Variants in PCDHA4 observed in about 807,000 individuals in gnomAD.
PCDHA4 encodes protocadherin alpha 4, also known as protocadherin alpha-4.
A neutral mutation model predicts 61.4 loss-of-function variants in PCDHA4; 49 were observed. The observed-to-expected ratio is 0.80, with a 90% confidence interval of 0.63 to 1.01. PCDHA4 has a LOEUF of 1.01. Among genes scored for constraint, PCDHA4 ranks in the 50% least tolerant of loss-of-function variants. PCDHA4 has a pLI of 0.00. For missense variants in PCDHA4, 1,254 were observed against 1,235.8 expected (o/e 1.01, Z -0.22); for synonymous variants, 590 against 550.3 (o/e 1.07, Z -1.01).
chr5:140,860,245 T>C (rs2046291646), intron 1 of PCDHA4: 1 of 151,496 alleles, frequency 6.6e-6, no homozygotes, highest in Non-Finnish European at 1.5e-5. Flanking sequence ...TGGTGGTACA[T>C]GCCTTTAGTC....
In PCDHA4 at chr5:140,883,728, A is replaced by G. The variant is rs781971725; in HGVS notation, c.2385+74156A>G. 2 of 1,613,392 alleles carry G rather than the reference A, an allele frequency of 1.2e-6. No homozygotes were observed. The highest frequency in any genetic ancestry group is 2.7e-5 in the African/African-American group (2 of 74,914). On this transcript the variant is annotated intron_variant, in intron 1 of 3. Transcript: ENST00000530339. ...GCTCAGGACGCGGACGCACAGGAGA[A>G]CGCGCTGGTCTCCTACTCGCTGGTG...
intron 1 of PCDHA4, among the ~76,000 whole-genome samples, chr5:140,947,275 T>C (rs246050): frequency 1.3e-5 from 2 of 151,244 alleles, no homozygotes; most frequent in Non-Finnish European, 3.0e-5. Flanking sequence ...GAAAATACTT[T>C]TTCTTTTTAT....
In PCDHA4 at chr5:140,850,297, C is replaced by T. The variant is rs2150478357; in HGVS notation, c.2385+40725C>T. The stretch of plus-strand genomic sequence containing the variant: ...AAGGTGCGCGCAGTGGACGCCGACT[C>T]GGGCTACAACGCGTGGCTTTCATAC... On this transcript the variant is annotated intron_variant, in intron 1 of 3. Coordinates refer to ENST00000530339, the MANE Select transcript of PCDHA4 (RefSeq NM_018907.4). The T allele has an allele frequency of 2.5e-6, 4 of 1,596,320 alleles. No homozygotes were observed. The Admixed American group carries it at 5.1e-5, about 20-fold the overall frequency.
chr5:140,876,650 T>G lies in PCDHA4; in HGVS notation c.2385+67078T>G, dbSNP rs782068706. 4 of 1,614,162 alleles carry G rather than the reference T, an allele frequency of 2.5e-6. No individual in the cohort carries two copies. In the South Asian group the frequency reaches 4.4e-5, roughly 18 times the overall value. ...GTCATCTGCTCACTGACACCTCATG[T>G]TCCCTTCAAGCTGGTGTCCACCTAC... On this transcript the variant is annotated intron_variant, in intron 1 of 3. Transcript: ENST00000530339.
intron 1 of PCDHA4, among the ~76,000 whole-genome samples, chr5:140,837,439 T>C (rs1775044466): frequency 6.6e-6 from 1 of 151,980 alleles, no homozygotes; most frequent in African/African-American, 2.4e-5. Flanking sequence ...TGAAATCTAG[T>C]ACGTAGTAAA....
intron 1 of PCDHA4, among the ~76,000 whole-genome samples, chr5:140,970,781 G>A (rs2096433448): frequency 6.6e-6 from 1 of 152,042 alleles, no homozygotes; most frequent in Admixed American, 6.6e-5. Context: ...CATACATATT[G>A]TATGTAATAT....
chr5:140,886,827 GAAA>G (rs782016620), intron 1 of PCDHA4, among the ~76,000 whole-genome samples: 1 of 60,882 alleles, frequency 1.6e-5, no homozygotes. Flanking sequence ...ACTTCGTCTT[GAAA>G]AAAAAAAAAA....
chr5:140,958,454 T>G (rs2095424871), intron 1 of PCDHA4, among the ~76,000 whole-genome samples: 1 of 152,168 alleles, frequency 6.6e-6, no homozygotes, highest in African/African-American at 2.4e-5. Flanking sequence ...CCTTTTATTC[T>G]TCAACTTCTG....
At chr5:140,869,391 C>CG (rs2051094995) in intron 1 of PCDHA4, 1 of 1,614,020 alleles carries the variant, frequency 6.2e-7, no homozygotes, top group Non-Finnish European at 8.5e-7. Context: ...AGGAGCTGTG[C>CG]GGGCAGAGCG....
At chr5:140,967,025 C>G (rs2153750258) in intron 1 of PCDHA4, 1 of 1,608,362 alleles carries the variant, frequency 6.2e-7, no homozygotes, top group Middle Eastern at 1.7e-4. Flanking sequence ...TGCGCCCAGT[C>G]CGCGCTACCT....
intron 1 of PCDHA4, chr5:140,842,313 C>A: frequency 6.2e-7 from 1 of 1,607,028 alleles, no homozygotes; most frequent in Non-Finnish European, 8.5e-7. Context: ...CCTCCCATGG[C>A]GGGTCATTGC....
chr5:140,990,518 T>G (rs2097397992), intron 3 of PCDHA4, among the ~76,000 whole-genome samples: 1 of 152,314 alleles, frequency 6.6e-6, no homozygotes, highest in South Asian at 2.1e-4. Context: ...CTCTCTTGTC[T>G]TTTTTGACTG....
intron 1 of PCDHA4, among the ~76,000 whole-genome samples, chr5:140,941,368 G>A (rs2093051755): frequency 7.3e-6 from 1 of 136,646 alleles, no homozygotes; most frequent in Non-Finnish European, 1.5e-5. Context: ...CTAGGCTGGA[G>A]TGTAGTGACA....
intron 1 of PCDHA4, among the ~76,000 whole-genome samples, chr5:140,977,004 A>C (rs1554238156): frequency 6.6e-6 from 1 of 152,222 alleles, no homozygotes; most frequent in East Asian, 1.9e-4. Flanking sequence ...GAAATCTTGT[A>C]ACTGTGATTC....
chr5:140,838,373 C>T (rs1280236434), intron 1 of PCDHA4, among the ~76,000 whole-genome samples: 1 of 151,416 alleles, frequency 6.6e-6, no homozygotes, highest in South Asian at 2.1e-4. Context: ...ATCTGACTGC[C>T]TCAGCCTCCC....
chr5:140,857,763 C>T (rs782102895), intron 1 of PCDHA4: 4 of 1,597,078 alleles, frequency 2.5e-6, no homozygotes, highest in East Asian at 2.2e-5. Context: ...GCTGGCAGCG[C>T]GGGCGGTGCA....
intron 1 of PCDHA4, among the ~76,000 whole-genome samples, chr5:140,886,254 CTA>C (rs1304679943): frequency 6.6e-6 from 1 of 151,720 alleles, no homozygotes; most frequent in Non-Finnish European, 1.5e-5. Flanking sequence ...AAAAGTATCT[CTA>C]TTTATAGATA....
rs2150179482 is a variant in PCDHA4, at chr5:140,830,012, G to T, written c.2385+20440G>T. 5.0e-6 allele frequency: 8 copies of T among 1,613,802 alleles called. No individual in the cohort carries two copies. In the Admixed American group the frequency reaches 1.0e-4, roughly 20 times the overall value. ...CACCACTCGTGTCCTGGACGAAGCG[G>T]ACTCTCCGCGCCACCGGCTGCTGGT... On this transcript the variant is annotated intron_variant, in intron 1 of 3. Coordinates refer to ENST00000530339, the MANE Select transcript of PCDHA4 (RefSeq NM_018907.4).
At chr5:140,882,127 C>G in intron 1 of PCDHA4, 2 of 1,464,686 alleles carry the variant, frequency 1.4e-6, no homozygotes. Flanking sequence ...TTTCTTTCTT[C>G]CTGCAGAAAA....
Sources: allele counts gnomAD v4.1 joint callset (sites outside exome capture counted in the v4.1 genomes callset), GRCh38; gene constraint gnomAD v4.1.1; transcripts MANE v1.5; gene names NCBI Gene and HGNC (gene_info 2026-07-23, HGNC 2026-07-21).